The following ITPR2 variants were observed in gnomAD, a reference collection of about 807,000 sequenced individuals.
ITPR2 encodes the protein inositol 1,4,5-trisphosphate receptor type 2.
In ITPR2, 207 loss-of-function variants were observed where a neutral mutation model predicts 317.1. The ratio of observed to expected loss-of-function variants is 0.65; its 90% CI spans 0.58 to 0.73. The LOEUF is 0.73. ITPR2 is among the 30% of genes least tolerant of loss of function. The pLI is 0.00. For synonymous variants in ITPR2, 1,156 were observed against 1,149.1 expected, an observed-to-expected ratio of 1.01 and a Z score of -0.12; for missense variants, 2,613 against 3,284.0, an observed-to-expected ratio of 0.80 and a Z score of 4.99.
At chr12:26,670,525 A>T (rs1270966226) in intron 13 of ITPR2, among the ~76,000 whole-genome samples, 1 of 152,244 alleles carries the variant, frequency 6.6e-6, no homozygotes. Flanking sequence ...AACGGAAAGG[A>T]CATCCACACC....
At chr12:26,528,457 T>C (rs550070345) in intron 37 of ITPR2, among the ~76,000 whole-genome samples, 1 of 152,340 alleles carries the variant, frequency 6.6e-6, no homozygotes, top group African/African-American at 2.4e-5. Flanking sequence ...TAGCCACTTA[T>C]AACAATGCTC....
In ITPR2 at chr12:26,632,076, C is replaced by T. The variant is rs1196296884; in HGVS notation, c.2741-17G>A. 3 of 1,516,782 alleles carry T rather than the reference C, an allele frequency of 2.0e-6. No homozygotes were observed. The highest frequency in any genetic ancestry group is 1.4e-5 in the African/African-American group (1 of 71,554). The allele number at this position is 1,516,782 out of a possible 1,614,324, so 94.0% of individuals were successfully genotyped here. ...CATTGTTTCCTGGCATGAGAAAATG[C>T]CGTAAGTCAACACACACAACCCCTG... is the stretch of plus-strand genomic sequence containing the variant. On this transcript the variant is annotated splice_polypyrimidine_tract_variant and intron_variant, in intron 21 of 56. Transcript: ENST00000381340.
intron 21 of ITPR2, chr12:26,649,221 C>T (rs1947187200): frequency 6.6e-6 from 1 of 151,854 alleles, no homozygotes; most frequent in African/African-American, 2.4e-5. Flanking sequence ...CACACACACA[C>T]ACACTCACAC....
At chr12:26,404,323 G>A (rs1426022375) in intron 52 of ITPR2, among the ~76,000 whole-genome samples, 1 of 152,214 alleles carries the variant, frequency 6.6e-6, no homozygotes, top group Non-Finnish European at 1.5e-5. Context: ...AGAACTGGTT[G>A]TAGGGTGTTT....
chr12:26,716,009 T>C (rs2137032014), intron 6 of ITPR2, 135 bp downstream of exon 6: 1 of 712,964 alleles, frequency 1.4e-6, no homozygotes, highest in East Asian at 2.6e-5. Flanking sequence ...ATCACAGCTA[T>C]ATGTACCTTA....
chr12:26,544,563 C>T (rs1394918751), intron 37 of ITPR2, among the ~76,000 whole-genome samples: 2 of 94,144 alleles, frequency 2.1e-5, no homozygotes, highest in Non-Finnish European at 6.6e-5. Context: ...CAGTTTCACA[C>T]ATAGACACAC....
At chr12:26,720,327 TA>T (rs1222005075) in intron 5 of ITPR2, among the ~76,000 whole-genome samples, 3 of 152,216 alleles carry the variant, frequency 2.0e-5, no homozygotes, top group Non-Finnish European at 4.4e-5. Flanking sequence ...TATTGTTAAA[TA>T]GTAAAATATC....
At chr12:26,714,211 A>G (rs1177968085) in intron 8 of ITPR2, among the ~76,000 whole-genome samples, 4 of 152,084 alleles carry the variant, frequency 2.6e-5, no homozygotes, top group Non-Finnish European at 5.9e-5. Context: ...CTCGTCGGTA[A>G]TTTGCCTAAA....
chr12:26,572,977 TC>T (rs1167052221), intron 34 of ITPR2, among the ~76,000 whole-genome samples: 1 of 118,902 alleles, frequency 8.4e-6, no homozygotes, highest in Non-Finnish European at 2.1e-5. Context: ...AAATTCGTAC[TC>T]AAAAGAAACT....
chr12:26,438,312 A>C (rs1941407778), intron 47 of ITPR2, among the ~76,000 whole-genome samples: 1 of 152,146 alleles, frequency 6.6e-6, no homozygotes, highest in African/African-American at 2.4e-5. Flanking sequence ...AGCACCACTC[A>C]AATTCATAAA....
At chr12:26,351,433 A>C (rs1300028963) in intron 55 of ITPR2, among the ~76,000 whole-genome samples, 1 of 152,262 alleles carries the variant, frequency 6.6e-6, no homozygotes, top group Non-Finnish European at 1.5e-5. Context: ...TCCTACAGAA[A>C]TGTCAAGCGG....
chr12:26,772,766 T>C (rs1224455585), intron 2 of ITPR2, among the ~76,000 whole-genome samples: 1 of 151,672 alleles, frequency 6.6e-6, no homozygotes, highest in Non-Finnish European at 1.5e-5. Context: ...CTTTAACTTC[T>C]GGGATACACG....
At chr12:26,579,589 T>C (rs1945349224) in intron 33 of ITPR2, among the ~76,000 whole-genome samples, 1 of 152,154 alleles carries the variant, frequency 6.6e-6, no homozygotes, top group East Asian at 1.9e-4. Context: ...AGATATATCA[T>C]AATTTATTTA....
chr12:26,664,740 A>T (rs1240382232), intron 14 of ITPR2, among the ~76,000 whole-genome samples: 2 of 152,158 alleles, frequency 1.3e-5, no homozygotes, highest in East Asian at 3.8e-4. Context: ...ATGTTGGTTA[A>T]AATATTATTA....
chr12:26,490,675 T>C (rs1942779678), intron 39 of ITPR2, among the ~76,000 whole-genome samples: 1 of 152,182 alleles, frequency 6.6e-6, no homozygotes, highest in African/African-American at 2.4e-5. Flanking sequence ...TAGTCAGGCA[T>C]GGTAGTGGGT....
intron 1 of ITPR2, among the ~76,000 whole-genome samples, chr12:26,817,180 C>CAAAAA (rs11422176): frequency 1.0e-4 from 6 of 57,668 alleles, no homozygotes; most frequent in Admixed American, 2.5e-4. Context: ...GAGTCTCTTT[C>CAAAAA]AAAAAAAAAA....
chr12:26,489,596 C>T (rs964283344), intron 39 of ITPR2, among the ~76,000 whole-genome samples: 16 of 152,196 alleles, frequency 1.1e-4, no homozygotes, highest in African/African-American at 3.4e-4. Flanking sequence ...CAAGTTAATA[C>T]ATACAAATCA....
intron 55 of ITPR2, among the ~76,000 whole-genome samples, chr12:26,378,353 G>A (rs1174279368): frequency 6.6e-6 from 1 of 152,046 alleles, no homozygotes. Context: ...CGTGGGCCGA[G>A]GCTCCCATCA....
intron 49 of ITPR2, among the ~76,000 whole-genome samples, chr12:26,427,654 T>C (rs944544659): frequency 1.3e-5 from 2 of 152,108 alleles, no homozygotes; most frequent in African/African-American, 4.8e-5. Context: ...TGCATTAAAA[T>C]TGGATTGGAT....
Sources: gnomAD v4.1 joint callset for allele counts (sites outside exome capture counted in the v4.1 genomes callset) on GRCh38, gnomAD v4.1.1 for gene constraint, MANE v1.5 for transcripts, NCBI Gene and HGNC (gene_info 2026-07-23, HGNC 2026-07-21) for gene names.